AK4: variants seen among roughly 807,000 people sequenced by gnomAD.
AK4 encodes the protein adenylate kinase 4.
AK4 carries 13 observed loss-of-function variants against 24.6 expected under a neutral mutation model. The observed-to-expected ratio is 0.53, with a 90% CI of 0.34 to 0.84. The LOEUF (loss-of-function observed/expected upper bound fraction) is 0.84. AK4 is among the 40% of genes least tolerant of loss of function. AK4 has a pLI of 0.01. For missense variants in AK4, 192 were observed against 288.2 expected, an observed-to-expected ratio of 0.67 and a Z score of 2.42; for synonymous variants, 88 against 107.0, an observed-to-expected ratio of 0.82 and a Z score of 1.10.
intron 1 of AK4, among the ~76,000 whole-genome samples, chr1:65,159,379 C>T (rs1031387458): frequency 1.3e-5 from 2 of 152,214 alleles, no homozygotes; most frequent in African/African-American, 4.8e-5. Flanking sequence ...CTAACTTGGT[C>T]AGGTACAGTG....
chr1:65,161,284 G>A (rs1650149835), intron 1 of AK4, among the ~76,000 whole-genome samples: 1 of 152,106 alleles, frequency 6.6e-6, no homozygotes, highest in Non-Finnish European at 1.5e-5. Flanking sequence ...TGTCCCATTT[G>A]TCACATGTCC....
In AK4 at chr1:65,231,437, G is replaced by A. The variant is rs1652643141; in HGVS notation, c.*5260G>A. ...GCATAGATATGAATTCCTTCCTCTG[G>A]TAATAATTAGGTTATTCCCAGAAGC... On this transcript the variant is annotated 3_prime_UTR_variant, in exon 5 of 5. Transcript: ENST00000327299. 1 of 152,060 alleles carries A rather than the reference G, an allele frequency of 6.6e-6. No homozygotes were observed. Among genetic ancestry groups the A allele is most frequent in the South Asian group, 2.1e-4 (1 of 4,818 alleles). 9.4% of individuals were successfully genotyped at this position (152,060 alleles called of 1,614,324 possible).
chr1:65,192,114 T>C (rs1238782390), intron 2 of AK4, among the ~76,000 whole-genome samples: 1 of 152,184 alleles, frequency 6.6e-6, no homozygotes, highest in African/African-American at 2.4e-5. Context: ...GCCCTTTTCT[T>C]AGTCTGTTTT....
At chr1:65,182,877 T>C (rs1650956929) in intron 1 of AK4, among the ~76,000 whole-genome samples, 1 of 152,342 alleles carries the variant, frequency 6.6e-6, no homozygotes, top group African/African-American at 2.4e-5. Context: ...TAGAACTTTA[T>C]TGGCAGTGTA....
chr1:65,172,103 A>ATATATATATATATTTT (rs1553122938), intron 1 of AK4, among the ~76,000 whole-genome samples: 2 of 115,510 alleles, frequency 1.7e-5, no homozygotes, highest in East Asian at 3.0e-4. Context: ...ATATATATAT[A>ATATATATATATATTTT]TTTAAACTCA....
chr1:65,151,192 C>T (rs1649760572), intron 1 of AK4, among the ~76,000 whole-genome samples: 1 of 152,244 alleles, frequency 6.6e-6, no homozygotes. Flanking sequence ...GTCGCGAACT[C>T]GGGACCTTAG....
chr1:65,191,809 A>G (rs1196055357), intron 2 of AK4, among the ~76,000 whole-genome samples: 1 of 152,176 alleles, frequency 6.6e-6, no homozygotes, highest in African/African-American at 2.4e-5. Flanking sequence ...GTGCTGGGGC[A>G]TGGAGGAGAG....
At chr1:65,150,960 A>T (rs1310128806) in intron 1 of AK4, among the ~76,000 whole-genome samples, 2 of 150,362 alleles carry the variant, frequency 1.3e-5, no homozygotes, top group African/African-American at 4.9e-5. Flanking sequence ...TCTGCACATA[A>T]CTTTTTTTTT....
At chr1:65,216,085 T>C (rs1224265570) in intron 2 of AK4, among the ~76,000 whole-genome samples, 1 of 152,180 alleles carries the variant, frequency 6.6e-6, no homozygotes, top group Non-Finnish European at 1.5e-5. Flanking sequence ...AATATATGGA[T>C]AATTATGTAT....
intron 1 of AK4, among the ~76,000 whole-genome samples, chr1:65,149,291 C>T (rs1479935428): frequency 6.6e-6 from 1 of 152,224 alleles, no homozygotes; most frequent in African/African-American, 2.4e-5. Flanking sequence ...CATGAGATGC[C>T]TCCTTTGGCT....
intron 1 of AK4, among the ~76,000 whole-genome samples, chr1:65,163,741 G>A (rs1432565925): frequency 6.6e-6 from 1 of 152,132 alleles, no homozygotes; most frequent in Non-Finnish European, 1.5e-5. Context: ...GGAGACTGGC[G>A]TTTTATTATT....
chr1:65,186,198 CAA>C (rs1651095457), intron 1 of AK4, among the ~76,000 whole-genome samples: 5 of 152,060 alleles, frequency 3.3e-5, no homozygotes, highest in African/African-American at 1.2e-4. Context: ...TGCAGTGGTG[CAA>C]TCTCGGCTCA....
chr1:65,176,178 C>T (rs1650707786), intron 1 of AK4, among the ~76,000 whole-genome samples: 1 of 152,134 alleles, frequency 6.6e-6, no homozygotes. Flanking sequence ...ATCCTTTGTG[C>T]TTAGAGATTG....
intron 2 of AK4, 98 bp from the exon 3 acceptor site, chr1:65,218,656 G>A: frequency 8.2e-7 from 1 of 1,220,802 alleles, no homozygotes; most frequent in Non-Finnish European, 1.1e-6. Context: ...CTTTTAGAAT[G>A]GTATATGCAG....
intron 1 of AK4, among the ~76,000 whole-genome samples, chr1:65,150,753 T>G (rs954599833): frequency 6.6e-6 from 1 of 152,074 alleles, no homozygotes; most frequent in Admixed American, 6.6e-5. Flanking sequence ...ACCCAGGAAA[T>G]AGAACCGTGT....
intron 1 of AK4, among the ~76,000 whole-genome samples, chr1:65,184,651 C>T (rs1267883489): frequency 1.3e-5 from 2 of 152,174 alleles, no homozygotes; most frequent in Non-Finnish European, 2.9e-5. Context: ...TAAGTCCATG[C>T]ATGCTATCAT....
chr1:65,206,388 T>C (rs1651812083), intron 2 of AK4, among the ~76,000 whole-genome samples: 1 of 152,344 alleles, frequency 6.6e-6, no homozygotes, highest in Non-Finnish European at 1.5e-5. Context: ...CAAATTTCTT[T>C]AGTCTTAATT....
At position 65,228,993 on chromosome 1, in the gene AK4, C is replaced by T. The variant is rs78407183; in HGVS notation, c.*2816C>T. 6.6e-6 allele frequency: 1 copy of T among 152,164 alleles called. No homozygotes were observed. The allele number at this position is 152,164 out of a possible 1,614,324, so 9.4% of individuals were successfully genotyped here. A position where few individuals can be genotyped will look rare whatever the true frequency, so the allele number is the denominator to read the frequency against. On this transcript the variant is annotated 3_prime_UTR_variant, in exon 5 of 5. Coordinates refer to ENST00000327299, the MANE Select transcript of AK4 (RefSeq NM_013410.4). ...GTGAAATGTGCGGTTTTAGGACCTT[C>T]ATAAACATCTCATTTAATCTTTCTA...
At chr1:65,221,529 A>T (rs887571989) in intron 3 of AK4, among the ~76,000 whole-genome samples, 5 of 152,224 alleles carry the variant, frequency 3.3e-5, no homozygotes, top group Admixed American at 3.3e-4. Context: ...CCTGGGCGAC[A>T]GAGTAAGACC....
Sources: allele counts gnomAD v4.1 joint callset (sites outside exome capture counted in the v4.1 genomes callset), GRCh38; gene constraint gnomAD v4.1.1; transcripts MANE v1.5; gene names NCBI Gene and HGNC (gene_info 2026-07-23, HGNC 2026-07-21).